DHRS4L2: variants seen among roughly 807,000 people sequenced by gnomAD.
DHRS4L2 encodes the protein dehydrogenase/reductase 4 like 2.
A neutral mutation model predicts 23.9 loss-of-function variants in DHRS4L2; 22 were observed. That is an observed-to-expected ratio of 0.92 (90% CI 0.66 to 1.31). DHRS4L2 has a LOEUF of 1.31. DHRS4L2 is among the 40% of genes most tolerant of loss of function. DHRS4L2 has a pLI of 0.00. For missense variants in DHRS4L2, 385 were observed against 303.3 expected, an observed-to-expected ratio of 1.27 and a Z score of -2.00; for synonymous variants, 141 against 123.7, an observed-to-expected ratio of 1.14 and a Z score of -0.93.
Position 24,001,087 on chromosome 14 carries a change from A to T in DHRS4L2, c.531+3A>T. 3 of 1,610,638 alleles carry T rather than the reference A, an allele frequency of 1.9e-6. No individual in the cohort carries two copies. Among genetic ancestry groups the T allele is most frequent in the Non-Finnish European group, 2.5e-6 (3 of 1,179,260 alleles). On this transcript the variant is annotated splice_donor_region_variant and intron_variant, in intron 5 of 7. Transcript: ENST00000335125. ...TAGCAGCCTTCAGTCCATCTCCTGTAAGAACCCTTTTGTCTACCTCTTCCA... is the reference window on the plus strand; with the variant it reads ...TAGCAGCCTTCAGTCCATCTCCTGTTAGAACCCTTTTGTCTACCTCTTCCA...
chr14:23,998,296 TG>T (rs1277072283), intron 3 of DHRS4L2, among the ~76,000 whole-genome samples: 1 of 151,838 alleles, frequency 6.6e-6, no homozygotes, highest in African/African-American at 2.4e-5. Flanking sequence ...ATTTTCAGAA[TG>T]GTAAATGAGC....
At chr14:24,000,540 C>A (rs1188171986) in intron 3 of DHRS4L2, among the ~76,000 whole-genome samples, 14 of 152,098 alleles carry the variant, frequency 9.2e-5, no homozygotes, top group Middle Eastern at 3.4e-3. Flanking sequence ...CAGGCTCTAC[C>A]TACTTGGAAG....
upstream of DHRS4L2, among the ~76,000 whole-genome samples, chr14:23,988,566 G>A (rs2138530225): frequency 6.6e-6 from 1 of 151,446 alleles, no homozygotes; most frequent in African/African-American, 2.4e-5. Context: ...AAGGAATTCT[G>A]AAGAAGCAAA....
In DHRS4L2 at chr14:24,001,050, T is replaced by G. The variant is rs1314118147; in HGVS notation, c.497T>G (p.Ile166Ser). 3.1e-6 allele frequency: 5 copies of G among 1,611,410 alleles called. No homozygotes were observed. The Admixed American group carries it at 8.3e-5, about 27-fold the overall frequency. The stretch of plus-strand genomic sequence containing the variant: ...TTTTCCAGAGGCGGCTCAGTGGTGA[T>G]CGTGTCTTCCATAGCAGCCTTCAGT... ...MEKRGGGSVV[I>S]VSSIAAFSPS... The change falls in exon 5 of 8, where the codon ATC (isoleucine) becomes AGC (serine). Residue 166 changes from isoleucine (I) to serine (S), a missense_variant. Ile to Ser is a moderately radical substitution (Grantham distance 142). Coordinates refer to ENST00000335125, the MANE Select transcript of DHRS4L2 (RefSeq NM_198083.4).
At chr14:23,981,426 CTT>C (rs2034050199) in intron 1 of DHRS4L2, among the ~76,000 whole-genome samples, 1 of 151,674 alleles carries the variant, frequency 6.6e-6, no homozygotes, top group African/African-American at 2.4e-5. Context: ...CTACTAATGA[CTT>C]TCTTCACAAA....
intron 5 of DHRS4L2, 45 bp downstream of exon 5, chr14:24,001,129 A>T (rs2034479791): frequency 6.2e-7 from 1 of 1,609,336 alleles, no homozygotes; most frequent in Admixed American, 1.7e-5. Context: ...CCTCCACTCC[A>T]CATCTTTCCA....
intron 1 of DHRS4L2, among the ~76,000 whole-genome samples, 173 bp from the exon 2 acceptor site, chr14:23,990,009 A>G (rs1293283938): frequency 6.6e-6 from 1 of 151,932 alleles, no homozygotes; most frequent in Non-Finnish European, 1.5e-5. Flanking sequence ...TAAGTAAAGC[A>G]GTGCTAAAAA....
intron 1 of DHRS4L2, among the ~76,000 whole-genome samples, chr14:23,975,883 C>T (rs999179009): frequency 6.6e-6 from 1 of 151,632 alleles, no homozygotes; most frequent in Middle Eastern, 3.2e-3. Flanking sequence ...ATAAATGGTG[C>T]TGGGAAAACT....
At position 24,005,950 on chromosome 14, in the gene DHRS4L2, A is replaced by C. The variant is rs780975226; in HGVS notation, c.*87A>C. On this transcript the variant is annotated 3_prime_UTR_variant, in exon 8 of 8. Transcript: ENST00000335125. The stretch of plus-strand genomic sequence containing the variant: ...CCTGTGCTCTGAAGATGCCAGCTAC[A>C]TCACTGGGGAAACAGTGGTGGTGGG... 6.2e-5 allele frequency: 100 copies of C among 1,611,828 alleles called. No homozygotes were observed. The highest frequency in any genetic ancestry group is 3.4e-4 in the African/African-American group (25 of 74,506).
chr14:23,971,955 C>T (rs942606375), intron 1 of DHRS4L2, among the ~76,000 whole-genome samples: 17 of 152,020 alleles, frequency 1.1e-4, no homozygotes, highest in Admixed American at 5.2e-4. Flanking sequence ...AACGTCATGA[C>T]AGGATCAAAT....
intron 3 of DHRS4L2, among the ~76,000 whole-genome samples, chr14:24,000,460 C>A (rs1185324972): frequency 6.6e-6 from 1 of 151,870 alleles, no homozygotes; most frequent in Non-Finnish European, 1.5e-5. Context: ...CCCCACATAT[C>A]CAAGGTCAGG....
chr14:23,989,085 GGT>G lies in DHRS4L2; in HGVS notation c.128+12_128+13del, dbSNP rs1419848065. ...CGGCCTCCACCGACGGGTGAGTGTT[GGT>G]GCCGGAGTTTCTGAGGCCCTGGCTG... On this transcript the variant is annotated intron_variant, in intron 1 of 7. Coordinates refer to ENST00000335125, the MANE Select transcript of DHRS4L2 (RefSeq NM_198083.4). 2.6e-6 allele frequency: 4 copies of G among 1,561,918 alleles called. No individual in the cohort carries two copies. Among genetic ancestry groups the G allele is most frequent in the East Asian group, 2.4e-5 (1 of 41,978 alleles).
intron 1 of DHRS4L2, among the ~76,000 whole-genome samples, chr14:23,983,583 T>A (rs2034089482): frequency 6.6e-6 from 1 of 151,630 alleles, no homozygotes; most frequent in South Asian, 2.1e-4. Flanking sequence ...CATGCACACA[T>A]ATGCTTATTG....
Position 24,001,375 on chromosome 14 carries a change from T to C in DHRS4L2, c.532-9T>C, listed in dbSNP as rs375320112. The C allele has an allele frequency of 1.9e-6, 3 of 1,603,492 alleles. No individual in the cohort carries two copies. Among genetic ancestry groups the C allele is most frequent in the Non-Finnish European group, 2.5e-6 (3 of 1,178,082 alleles). ...ACTATGAGTCTAACACATTCTCTTC[T>C]TTCTCCAGGGCTTCAGTCCTTACAA... On this transcript the variant is annotated splice_polypyrimidine_tract_variant and intron_variant, in intron 5 of 7. Coordinates refer to ENST00000335125, the MANE Select transcript of DHRS4L2 (RefSeq NM_198083.4).
rs961546035 is a variant in DHRS4L2 at position 24,003,886 on chromosome 14, G to C, written c.666-451G>C. 2.7e-4 allele frequency among the ~76,000 whole-genome samples: 20 copies of C among 73,526 alleles called. 3 individuals carry two copies. Among genetic ancestry groups the C allele is most frequent in the Non-Finnish European group, 2.7e-4 (13 of 47,330 alleles). 48.2% of individuals were successfully genotyped at this position (73,526 alleles called of 152,430 possible). ...TATCAGCTTAAGGAGATTTTGGGCT[G>C]AGACGATGGGGTTTTCTAGATAAAC... On this transcript the variant is annotated intron_variant, in intron 6 of 7. Coordinates refer to ENST00000335125, the MANE Select transcript of DHRS4L2 (RefSeq NM_198083.4).
At position 23,983,033 on chromosome 14, in the gene DHRS4L2, G is replaced by A. The variant is rs898577874; in HGVS notation, c.-175-7149G>A. ...CAACGAAGTCCAAATAGACAAATTGGACCTGATTAAACTAAAGAGCTTCAG... is the reference window on the plus strand; with the variant it reads ...CAACGAAGTCCAAATAGACAAATTGAACCTGATTAAACTAAAGAGCTTCAG... On this transcript the variant is annotated intron_variant, in intron 1 of 5. Transcript: ENST00000534993. Among the ~76,000 whole-genome samples the A allele has an allele frequency of 1.3e-4, 20 of 151,436 alleles. 1 individual carries two copies. Among genetic ancestry groups the A allele is most frequent in the African/African-American group, 4.8e-4 (20 of 41,240 alleles).
chr14:23,996,598 G>C (rs957985925), intron 3 of DHRS4L2, among the ~76,000 whole-genome samples: 1 of 149,526 alleles, frequency 6.7e-6, no homozygotes, highest in Admixed American at 6.7e-5. Flanking sequence ...AACCATTTAA[G>C]TTTGGCTTCT....
At chr14:23,981,887 G>A (rs980394818) in intron 1 of DHRS4L2, among the ~76,000 whole-genome samples, 1 of 151,742 alleles carries the variant, frequency 6.6e-6, no homozygotes, top group Non-Finnish European at 1.5e-5. Flanking sequence ...CAGCATTGCT[G>A]CAAACTTGTC....
chr14:23,985,208 C>T (rs2034118670), upstream of DHRS4L2, among the ~76,000 whole-genome samples: 1 of 151,586 alleles, frequency 6.6e-6, no homozygotes, highest in Admixed American at 6.6e-5. Flanking sequence ...GATCATATAG[C>T]CTTCAGTGGA....
Sources: gnomAD v4.1 joint callset for allele counts (sites outside exome capture counted in the v4.1 genomes callset) on GRCh38, gnomAD v4.1.1 for gene constraint, MANE v1.5 for transcripts, NCBI Gene and HGNC (gene_info 2026-07-23, HGNC 2026-07-21) for gene names.